The following EFHD1 variants were observed in gnomAD, a reference collection of about 807,000 sequenced individuals.
EFHD1 encodes the protein EF-hand domain-containing protein D1.
In EFHD1, 10 loss-of-function variants were observed where a neutral mutation model predicts 17.2. The ratio of observed to expected loss-of-function variants is 0.58; its 90% CI spans 0.36 to 0.99. The LOEUF (loss-of-function observed/expected upper bound fraction) is 0.99, where lower values mean the gene tolerates loss of function less well. Ranked by LOEUF, EFHD1 falls within the 50% of genes least tolerant of loss-of-function variation. The pLI is 0.01. For synonymous variants in EFHD1, 153 were observed against 142.0 expected (o/e 1.08, Z -0.55); for missense variants, 310 against 327.5 (o/e 0.95, Z 0.41).
upstream of EFHD1, among the ~76,000 whole-genome samples, chr2:232,631,691 TA>T (rs34689384): frequency 9.4e-4 from 109 of 115,766 alleles, no homozygotes; most frequent in African/African-American, 2.4e-3. Context: ...ATAAGAACAT[TA>T]AAAAAAAAAA....
chr2:232,668,151 C>T (rs1695000325), intron 2 of EFHD1, among the ~76,000 whole-genome samples: 1 of 152,206 alleles, frequency 6.6e-6, no homozygotes, highest in Non-Finnish European at 1.5e-5. Flanking sequence ...TACCACATGC[C>T]CGGCTTTGTG....
intron 3 of EFHD1, among the ~76,000 whole-genome samples, chr2:232,675,275 A>G (rs992620048): frequency 6.6e-6 from 1 of 151,342 alleles, no homozygotes; most frequent in Non-Finnish European, 1.5e-5. Flanking sequence ...GAAAAGAAAG[A>G]AAGAATATGG....
At position 232,627,014 on chromosome 2, in the gene EFHD1, G is replaced by GTCTCTCTCTCTCTCTC. The variant is rs34012045; in HGVS notation, c.14+20849_14+20864dup. On this transcript the variant is annotated intron_variant, in intron 1 of 3. Coordinates refer to the EFHD1 transcript ENST00000409613. Reference sequence around the variant, plus strand: ...AGCCTGGGCAACATAGTGAGATCCTGTCTCTCTCTCTCTCTCTCTCTCTAT... The same window carrying GTCTCTCTCTCTCTCTC: ...AGCCTGGGCAACATAGTGAGATCCTGTCTCTCTCTCTCTCTCTCTCTCTCTCTCTCTCTCTCTCTAT... 1.1e-4 allele frequency among the ~76,000 whole-genome samples: 8 copies of GTCTCTCTCTCTCTCTC among 69,760 alleles called. 1 individual carries two copies. Among genetic ancestry groups the GTCTCTCTCTCTCTCTC allele is most frequent in the Admixed American group, 1.0e-3 (5 of 4,764 alleles). The allele number at this position is 69,760 out of a possible 152,430, so 45.8% of individuals were successfully genotyped here. A position where few individuals can be genotyped will look rare whatever the true frequency, so the allele number is the denominator to read the frequency against.
intron 2 of EFHD1, among the ~76,000 whole-genome samples, chr2:232,670,539 G>A (rs1215029945): frequency 6.6e-6 from 1 of 152,068 alleles, no homozygotes; most frequent in Non-Finnish European, 1.5e-5. Flanking sequence ...TGGAGGAGGA[G>A]GGTGGATTAT....
At chr2:232,610,641 C>T (rs1693799550) in intron 1 of EFHD1, 1 of 150,982 alleles carries the variant, frequency 6.6e-6, no homozygotes, top group Admixed American at 6.6e-5. Flanking sequence ...ACTTTGGGAA[C>T]CTGAGGCAGG....
chr2:232,621,140 G>A (rs139302707), intron 1 of EFHD1, among the ~76,000 whole-genome samples: 1 of 152,282 alleles, frequency 6.6e-6, no homozygotes, highest in East Asian at 1.9e-4. Context: ...CCTGACTGCT[G>A]TGGGCTTTTG....
At chr2:232,652,404 C>T (rs939193253) in intron 1 of EFHD1, among the ~76,000 whole-genome samples, 4 of 152,102 alleles carry the variant, frequency 2.6e-5, no homozygotes, top group African/African-American at 7.2e-5. Context: ...TCCAAGTTCA[C>T]GGGTACATCG....
At chr2:232,626,007 T>G (rs115720905) in intron 1 of EFHD1, among the ~76,000 whole-genome samples, 2,225 of 151,430 alleles carry the variant, frequency 0.015, 70 homozygotes, top group African/African-American at 0.051. Context: ...CTAGGCAACA[T>G]GGCAAGACCA....
chr2:232,615,631 CT>C (rs1231502083), intron 1 of EFHD1, among the ~76,000 whole-genome samples: 5 of 149,064 alleles, frequency 3.4e-5, no homozygotes, highest in African/African-American at 9.9e-5. Context: ...CTGAGTAACA[CT>C]TTTTAAAAAA....
chr2:232,625,532 C>T (rs925896135), intron 1 of EFHD1, among the ~76,000 whole-genome samples: 5 of 152,140 alleles, frequency 3.3e-5, no homozygotes, highest in Admixed American at 6.6e-5. Flanking sequence ...CTACCCTCTG[C>T]TCTTTGCAAT....
At chr2:232,671,008 G>A (rs1695057889) in intron 2 of EFHD1, among the ~76,000 whole-genome samples, 1 of 152,110 alleles carries the variant, frequency 6.6e-6, no homozygotes, top group Non-Finnish European at 1.5e-5. Context: ...CTGTAAACTA[G>A]GATGCTGCTA....
At chr2:232,637,044 G>T (rs755819736) in intron 1 of EFHD1, among the ~76,000 whole-genome samples, 1 of 152,054 alleles carries the variant, frequency 6.6e-6, no homozygotes, top group East Asian at 1.9e-4. Flanking sequence ...GGGTGAGGTC[G>T]TTTGTTTCTT....
At chr2:232,627,064 A>ATATTTT (rs1205812580) in intron 1 of EFHD1, among the ~76,000 whole-genome samples, 1 of 92,234 alleles carries the variant, frequency 1.1e-5, no homozygotes, top group Non-Finnish European at 2.0e-5. Context: ...ATATATATAT[A>ATATTTT]TTTTTTTTTT....
At chr2:232,606,356 T>G (rs1229813128) in intron 1 of EFHD1, among the ~76,000 whole-genome samples, 3 of 152,188 alleles carry the variant, frequency 2.0e-5, no homozygotes, top group Non-Finnish European at 2.9e-5. Context: ...CTTTTAAGCC[T>G]TCTCCGCGCC....
intron 1 of EFHD1, 108 bp from the exon 2 acceptor site, chr2:232,662,694 C>A (rs1040108388): frequency 1.0e-5 from 15 of 1,455,924 alleles, no homozygotes; most frequent in South Asian, 2.9e-5. Context: ...CCTCGCAGAG[C>A]GGGAGGTATT....
At chr2:232,628,168 C>A (rs1225388790) in intron 1 of EFHD1, among the ~76,000 whole-genome samples, 1 of 152,182 alleles carries the variant, frequency 6.6e-6, no homozygotes, top group Non-Finnish European at 1.5e-5. Context: ...TCAAGTGATT[C>A]TCCTGCCTCA....
intron 3 of EFHD1, among the ~76,000 whole-genome samples, chr2:232,680,755 C>T (rs556499275): frequency 2.0e-5 from 3 of 151,994 alleles, no homozygotes; most frequent in Non-Finnish European, 2.9e-5. Flanking sequence ...GTGATCCGCC[C>T]GCTTCAGCCT....
intron 1 of EFHD1, among the ~76,000 whole-genome samples, chr2:232,642,280 G>T (rs1694446307): frequency 6.7e-6 from 1 of 150,342 alleles, no homozygotes; most frequent in South Asian, 2.1e-4. Flanking sequence ...CTACTTGGGA[G>T]GCTGAGGCAG....
intron 1 of EFHD1, 53 bp from the exon 2 acceptor site, chr2:232,662,749 G>T: frequency 6.5e-7 from 1 of 1,546,820 alleles, no homozygotes; most frequent in Non-Finnish European, 8.6e-7. Context: ...TACATGTTTC[G>T]GAGACTAACG....
Sources: gnomAD v4.1 joint callset for allele counts (sites outside exome capture counted in the v4.1 genomes callset) on GRCh38, gnomAD v4.1.1 for gene constraint, MANE v1.5 for transcripts, NCBI Gene and HGNC (gene_info 2026-07-23, HGNC 2026-07-21) for gene names.